Variants in FLT3LG observed in about 807,000 individuals in gnomAD.
FLT3LG encodes the protein fms related receptor tyrosine kinase 3 ligand, also known as fms-related tyrosine kinase 3 ligand.
Under a neutral mutation model 30.9 loss-of-function variants are expected in FLT3LG, and 8 were observed. That is an observed-to-expected ratio of 0.26 (90% confidence interval 0.15 to 0.47). The LOEUF (loss-of-function observed/expected upper bound fraction) is 0.47, where lower values mean the gene tolerates loss of function less well. Among genes scored for constraint, FLT3LG ranks in the 20% least tolerant of loss-of-function variants. The pLI is 0.99. For missense variants in FLT3LG, 278 were observed against 306.2 expected, an observed-to-expected ratio of 0.91 and a Z score of 0.69; for synonymous variants, 123 against 135.9, an observed-to-expected ratio of 0.91 and a Z score of 0.66.
At chr19:49,478,856 G>A in intron 5 of FLT3LG, 53 bp from the exon 6 acceptor site, 1 of 1,442,828 alleles carries the variant, frequency 6.9e-7, no homozygotes, top group Non-Finnish European at 9.2e-7. Context: ...TTGGCCTGCG[G>A]AGGGGCGGTG....
intron 2 of FLT3LG, 69 bp downstream of exon 2, chr19:49,474,741 G>T: frequency 6.5e-7 from 1 of 1,526,740 alleles, no homozygotes; most frequent in South Asian, 1.2e-5. Flanking sequence ...CAGAGATGAG[G>T]GGAGATGGAC....
intron 5 of FLT3LG, among the ~76,000 whole-genome samples, chr19:49,478,152 T>TACAAATAC (rs1213148035): frequency 7.9e-6 from 1 of 126,708 alleles, no homozygotes; most frequent in South Asian, 2.3e-4. Context: ...CCGTTTCTAC[T>TACAAATAC]AAAAAATATA....
chr19:49,474,528 C>T (rs1019267261), intron 1 of FLT3LG, 75 bp from the exon 2 acceptor site: 12 of 724,584 alleles, frequency 1.7e-5, no homozygotes, highest in South Asian at 6.9e-5. Flanking sequence ...GCGGGAGGGG[C>T]GGGGAGGCAA....
chr19:49,474,349 G>C, intron 1 of FLT3LG, 68 bp downstream of exon 1: 1 of 563,336 alleles, frequency 1.8e-6, no homozygotes, highest in South Asian at 2.1e-5. Context: ...CTGGGGCAGG[G>C]GGAGCAGAGG....
At chr19:49,480,698 G>A (rs1198146435) in intron 8 of FLT3LG, 78 bp downstream of exon 8, 5 of 1,439,756 alleles carry the variant, frequency 3.5e-6, no homozygotes, top group African/African-American at 1.4e-5. Flanking sequence ...ATGGAAGGGT[G>A]GTGAGCAGTG....
At position 49,475,731 on chromosome 19, in the gene FLT3LG, G is replaced by C; in HGVS notation, c.74G>C (p.Ser25Thr). 6.2e-7 allele frequency: 1 copy of C among 1,611,356 alleles called. No individual in the cohort carries two copies. The highest frequency in any genetic ancestry group is 8.5e-7 in the Non-Finnish European group (1 of 1,179,914). The part of the protein sequence containing the change: ...LLLLLLSSGL[S>T]GTQDCSFQHS... ...CTGCTGCTGCTGAGCTCGGGACTCA[G>C]TGGGACCCAGGACTGCTCCTTCCAA... Residue 25 changes from serine to threonine, a missense_variant, in exon 3 of 9, where the codon AGT becomes ACT. Ser to Thr is a moderately conservative substitution (Grantham distance 58). Transcript: ENST00000597551.
chr19:49,475,209 AGACAGAGGAGGGGGGAGATG>A (rs1164534404), intron 2 of FLT3LG, among the ~76,000 whole-genome samples: 2 of 79,908 alleles, frequency 2.5e-5, no homozygotes, highest in African/African-American at 5.1e-5. Context: ...AGAGGAAGAG[AGACAGAGGAGGGGGGAGATG>A]GACAGAGGAG....
Position 49,478,916 on chromosome 19 carries a change from C to T in FLT3LG, c.350C>T (p.Pro117Leu). ...FVTKCAFQPP[P>L]SCLRFVQTNI... Reference sequence around the variant, plus strand: ...TCCCTCCCCTGCTCCCAGCCCCCCCCCAGCTGTCTTCGCTTCGTCCAGACC... The same window carrying T: ...TCCCTCCCCTGCTCCCAGCCCCCCCTCAGCTGTCTTCGCTTCGTCCAGACC... The change falls in exon 6 of 9, where the codon CCC becomes CTC. Residue 117 changes from proline (P) to leucine (L), a missense_variant. Transcript: ENST00000597551. The T allele has an allele frequency of 2.0e-6, 3 of 1,538,258 alleles. No individual in the cohort carries two copies. Among genetic ancestry groups the T allele is most frequent in the Non-Finnish European group, 2.6e-6 (3 of 1,140,544 alleles).
intron 1 of FLT3LG, 84 bp from the exon 2 acceptor site, chr19:49,474,519 C>T (rs1278350656): frequency 9.9e-6 from 7 of 703,938 alleles, no homozygotes; most frequent in African/African-American, 5.3e-5. Context: ...CAATGGGACG[C>T]GGGAGGGGCG....
chr19:49,477,510 G>A (rs563584811), intron 5 of FLT3LG, among the ~76,000 whole-genome samples: 7 of 151,810 alleles, frequency 4.6e-5, no homozygotes, highest in Non-Finnish European at 8.8e-5. Context: ...AGGCTGAGGC[G>A]GGTGGATTGC....
rs1451026331 is a variant in FLT3LG, at chr19:49,475,663, G to A, written c.34-28G>A. 2.5e-6 allele frequency: 4 copies of A among 1,598,332 alleles called. No individual in the cohort carries two copies. The East Asian group carries it at 6.7e-5, about 27-fold the overall frequency. ...GGGGGCTGTGTGTGGAACAGCAGAG[G>A]GCTCCCCCAGCACCCGCTCCCCTGC... On this transcript the variant is annotated intron_variant, in intron 2 of 8. Coordinates refer to ENST00000597551, the MANE Select transcript of FLT3LG (RefSeq NM_001459.4).
At chr19:49,484,485 G>A (rs543693842) in intron 8 of FLT3LG, among the ~76,000 whole-genome samples, 30 of 151,170 alleles carry the variant, frequency 2.0e-4, no homozygotes, top group Admixed American at 6.0e-4. Flanking sequence ...TAGTAGAGAC[G>A]GGGTTTCTTT....
intron 6 of FLT3LG, among the ~76,000 whole-genome samples, chr19:49,479,908 G>A (rs115684259): frequency 3.2e-3 from 483 of 151,936 alleles, no homozygotes; most frequent in African/African-American, 0.011. Flanking sequence ...GGGTTCAAGC[G>A]AATCTTCTGC....
chr19:49,480,516 G>A, intron 7 of FLT3LG, 36 bp from the exon 8 acceptor site: 1 of 1,608,574 alleles, frequency 6.2e-7, no homozygotes, highest in Non-Finnish European at 8.5e-7. Context: ...GGCCGAGAGG[G>A]TGGCCCACTT....
chr19:49,480,683 A>C (rs1476556959), intron 8 of FLT3LG, 63 bp downstream of exon 8: 1 of 1,502,142 alleles, frequency 6.7e-7, no homozygotes. Flanking sequence ...GGTCACTAGG[A>C]GGCCATGGAA....
At position 49,476,076 on chromosome 19, in the gene FLT3LG, C is replaced by T. The variant is rs779594967; in HGVS notation, c.145-69C>T. 23 of 1,551,482 alleles carry T rather than the reference C, an allele frequency of 1.5e-5. No individual in the cohort carries two copies. Among genetic ancestry groups the T allele is most frequent in the Middle Eastern group, 1.7e-4 (1 of 5,966 alleles). On this transcript the variant is annotated intron_variant, in intron 3 of 8. Transcript: ENST00000597551. This position sits in a 1 kb window ranked among gnomAD's most constrained non-coding sequence, Gnocchi z 5.3. The stretch of plus-strand genomic sequence containing the variant: ...CCCTCTCTCTCTGGATCTCTGCTGC[C>T]ACCTCTGGGTCCCCACAGTTCTGTT...
Position 49,480,315 on chromosome 19 carries a change from C to T in FLT3LG, c.499C>T (p.Pro167Ser). Residue 167 changes from proline (P) to serine (S), a missense_variant, in exon 7 of 9, where the codon CCC (proline) becomes TCC (serine). Physicochemically the swap from Pro to Ser is moderately conservative, Grantham distance 74. Coordinates refer to ENST00000597551, the MANE Select transcript of FLT3LG (RefSeq NM_001459.4). ...CTCCCCAGACTCCTCAACCCTGCCA[C>T]CCCCATGGAGTCCCCGGCCCCTGGA... Reference protein sequence around the residue: ...QCQPDSSTLPPPWSPRPLEAT... With the variant: ...QCQPDSSTLPSPWSPRPLEAT... 1.2e-6 allele frequency: 2 copies of T among 1,603,638 alleles called. No homozygotes were observed. The highest frequency in any genetic ancestry group is 1.7e-6 in the Non-Finnish European group (2 of 1,173,622).
At chr19:49,479,288 G>A (rs2079513667) in intron 6 of FLT3LG, among the ~76,000 whole-genome samples, 4 of 149,596 alleles carry the variant, frequency 2.7e-5, no homozygotes, top group Non-Finnish European at 4.4e-5. Context: ...TCCGCCTCTC[G>A]GGTTCATGCC....
chr19:49,477,585 A>C (rs2079438274), intron 5 of FLT3LG, among the ~76,000 whole-genome samples: 1 of 151,280 alleles, frequency 6.6e-6, no homozygotes, highest in Non-Finnish European at 1.5e-5. Context: ...TAAAATACAA[A>C]AACAAAATTA....
Sources: gnomAD v4.1 joint callset for allele counts (sites outside exome capture counted in the v4.1 genomes callset) on GRCh38, gnomAD v4.1.1 for gene constraint, Gnocchi (gnomAD v3.1) non-coding constraint, MANE v1.5 for transcripts, NCBI Gene and HGNC (gene_info 2026-07-23, HGNC 2026-07-21) for gene names.